CREB1: variants seen among roughly 807,000 people sequenced by gnomAD.
CREB1 encodes cyclic AMP-responsive element-binding protein 1.
A neutral mutation model predicts 42.0 loss-of-function variants in CREB1; 2 were observed. The ratio of observed to expected loss-of-function variants is 0.05; its 90% CI spans 0.02 to 0.15. CREB1 has a LOEUF of 0.15. Ranked by LOEUF, CREB1 falls within the 10% of genes least tolerant of loss-of-function variation. The pLI, the probability that CREB1 is intolerant of heterozygous loss-of-function variation, is 1.00. For synonymous variants in CREB1, 123 were observed against 139.9 expected, an observed-to-expected ratio of 0.88 and a Z score of 0.85; for missense variants, 199 against 388.9, an observed-to-expected ratio of 0.51 and a Z score of 4.11.
chr2:207,595,998 CT>C (rs1411479116), intron 7 of CREB1, among the ~76,000 whole-genome samples: 1 of 152,082 alleles, frequency 6.6e-6, no homozygotes, highest in Non-Finnish European at 1.5e-5. Context: ...TCCTATTTGT[CT>C]ATTTTTGCTT....
intron 3 of CREB1, among the ~76,000 whole-genome samples, chr2:207,567,017 G>A (rs561801043): frequency 3.3e-5 from 5 of 152,136 alleles, no homozygotes; most frequent in Non-Finnish European, 5.9e-5. Flanking sequence ...ATGATGGATC[G>A]CCAGTCTTAC....
At chr2:207,595,810 T>G (rs1011894047) in intron 7 of CREB1, among the ~76,000 whole-genome samples, 1 of 151,762 alleles carries the variant, frequency 6.6e-6, no homozygotes, top group African/African-American at 2.4e-5. Context: ...TTCAAGAGAT[T>G]CTCCCACCTC....
At chr2:207,570,399 A>G in intron 5 of CREB1, 78 bp downstream of exon 5, 1 of 1,378,512 alleles carries the variant, frequency 7.3e-7, no homozygotes, top group Non-Finnish European at 9.8e-7. Flanking sequence ...CATTCTCTTC[A>G]GAGAAACCAA....
At chr2:207,535,239 T>C (rs2080819804) in intron 1 of CREB1, among the ~76,000 whole-genome samples, 1 of 152,198 alleles carries the variant, frequency 6.6e-6, no homozygotes, top group Admixed American at 6.5e-5. Context: ...AGTAAAATGA[T>C]CAAAATGTAC....
chr2:207,561,606 G>A (rs998686126), intron 3 of CREB1, among the ~76,000 whole-genome samples: 1 of 151,656 alleles, frequency 6.6e-6, no homozygotes, highest in Non-Finnish European at 1.5e-5. Flanking sequence ...CCCATCCCCC[G>A]CACCCTTCCT....
Position 207,601,543 on chromosome 2 carries a change from T to C in CREB1, c.*4485T>C, listed in dbSNP as rs1449688539. The C allele has an allele frequency of 1.5e-5, 3 of 198,976 alleles. No homozygotes were observed. Among genetic ancestry groups the C allele is most frequent in the Non-Finnish European group, 3.1e-5 (3 of 96,394 alleles). 12.3% of individuals were successfully genotyped at this position (198,976 alleles called of 1,614,324 possible). A position where few individuals can be genotyped will look rare whatever the true frequency, so the allele number is the denominator to read the frequency against. ...AAGATTGAAGGGAAAATAACTCAAGTGCATAATATTTATTTTCAATTTTTA... is the reference window on the plus strand; with the variant it reads ...AAGATTGAAGGGAAAATAACTCAAGCGCATAATATTTATTTTCAATTTTTA... On this transcript the variant is annotated 3_prime_UTR_variant, in exon 8 of 8. Transcript: ENST00000353267.
chr2:207,545,153 A>G lies in CREB1; in HGVS notation c.-8-10475A>G, dbSNP rs185329141. ...AGGTATTGCCACACTGTCTTCCACA[A>G]TGGTTGAACTAACACCACCAACAAT... On this transcript the variant is annotated intron_variant, in intron 1 of 7. Coordinates refer to ENST00000353267, the MANE Select transcript of CREB1 (RefSeq NM_004379.5). Among the ~76,000 whole-genome samples, 81 of 152,278 alleles carry G rather than the reference A, an allele frequency of 5.3e-4. 1 individual carries two copies. Among genetic ancestry groups the G allele is most frequent in the Admixed American group, 4.4e-3 (67 of 15,302 alleles).
chr2:207,580,703 C>T (rs1438807033), intron 7 of CREB1: 2 of 222,172 alleles, frequency 9.0e-6, no homozygotes, highest in Non-Finnish European at 1.8e-5. Flanking sequence ...AAAGTGTAGA[C>T]AGCTCTTCTG....
At chr2:207,561,053 AGACTT>A in intron 3 of CREB1, 1 of 1,421,868 alleles carries the variant, frequency 7.0e-7, no homozygotes, top group Non-Finnish European at 9.9e-7. Context: ...TTGAAAAAAA[AGACTT>A]GAACGTTCAT....
Position 207,560,321 on chromosome 2 carries a change from T to C in CREB1, c.210T>C (p.Ile70=). Residue 70 remains isoleucine, a synonymous_variant, in exon 3 of 8, where the codon ATT becomes ATC. Coordinates refer to ENST00000353267, the MANE Select transcript of CREB1 (RefSeq NM_004379.5). ...NGQTVQVHGV[I]QAAQPSVIQS... ...AGACAGTTCAAGTCCATGGAGTCAT[T>C]CAGGCGGCCCAGCCATCAGTTATTC... is the stretch of plus-strand genomic sequence containing the variant. 6.2e-7 allele frequency: 1 copy of C among 1,614,040 alleles called. No homozygotes were observed.
chr2:207,559,941 T>C (rs1040694157), intron 2 of CREB1, among the ~76,000 whole-genome samples: 4 of 152,182 alleles, frequency 2.6e-5, no homozygotes, highest in African/African-American at 9.7e-5. Flanking sequence ...TAAAGTGATA[T>C]CTCATGTTCA....
At chr2:207,536,490 G>A (rs944348722) in intron 1 of CREB1, among the ~76,000 whole-genome samples, 4 of 152,194 alleles carry the variant, frequency 2.6e-5, no homozygotes, top group African/African-American at 9.6e-5. Context: ...GGAAGGCAGA[G>A]GTTGCAGTGA....
chr2:207,596,873 A>T (rs1007658117), intron 7 of CREB1, 41 bp from the exon 8 acceptor site: 1 of 1,580,072 alleles, frequency 6.3e-7, no homozygotes, highest in Non-Finnish European at 8.5e-7. Flanking sequence ...AAATATGTGG[A>T]AATCATTTGC....
chr2:207,541,121 G>A (rs1022752040), intron 1 of CREB1, among the ~76,000 whole-genome samples: 2 of 152,060 alleles, frequency 1.3e-5, no homozygotes, highest in African/African-American at 4.8e-5. Flanking sequence ...TCAGGAGGCT[G>A]AGGCAGGAGA....
In CREB1 at chr2:207,582,213, G is replaced by A; in HGVS notation, c.839+4558G>A. 1.1e-5 allele frequency: 8 copies of A among 702,286 alleles called. No individual in the cohort carries two copies. In the South Asian group the frequency reaches 1.2e-4, roughly 10 times the overall value. The allele number at this position is 702,286 out of a possible 1,614,324, so 43.5% of individuals were successfully genotyped here. A position where few individuals can be genotyped will look rare whatever the true frequency, so the allele number is the denominator to read the frequency against. On this transcript the variant is annotated intron_variant, in intron 7 of 7. Coordinates refer to ENST00000353267, the MANE Select transcript of CREB1 (RefSeq NM_004379.5). ...GTGGTCATATGTTAAAACCACCACA[G>A]TAATTAGGTGTATTTTAGAAGAAGT... is the stretch of plus-strand genomic sequence containing the variant.
intron 3 of CREB1, among the ~76,000 whole-genome samples, chr2:207,561,862 C>G (rs1258732857): frequency 6.6e-6 from 1 of 152,110 alleles, no homozygotes; most frequent in Non-Finnish European, 1.5e-5. Flanking sequence ...ATTGAGTCAT[C>G]GAACTTCTAT....
chr2:207,557,782 T>C (rs539877208), intron 2 of CREB1, among the ~76,000 whole-genome samples: 3 of 152,312 alleles, frequency 2.0e-5, no homozygotes, highest in Admixed American at 2.0e-4. Flanking sequence ...TTTATTTTAT[T>C]TTTTATATCT....
Position 207,604,886 on chromosome 2 carries a change from A to G in CREB1, c.*7828A>G, listed in dbSNP as rs2087826796. 6.6e-6 allele frequency among the ~76,000 whole-genome samples: 1 copy of G among 152,184 alleles called. No homozygotes were observed. Among genetic ancestry groups the G allele is most frequent in the Non-Finnish European group, 1.5e-5 (1 of 68,036 alleles). On this transcript the variant is annotated 3_prime_UTR_variant, in exon 8 of 8. Coordinates refer to ENST00000353267, the MANE Select transcript of CREB1 (RefSeq NM_004379.5). Reference sequence around the variant, plus strand: ...TGTGTTGTTGAGGTTGATCCATTGTAACATGTTATCACTACTTCATTCCTT... The same window carrying G: ...TGTGTTGTTGAGGTTGATCCATTGTGACATGTTATCACTACTTCATTCCTT...
intron 2 of CREB1, 45 bp from the exon 3 acceptor site, chr2:207,560,181 A>G (rs768453577): frequency 2.0e-6 from 3 of 1,493,392 alleles, no homozygotes; most frequent in Middle Eastern, 1.8e-4. Context: ...AGTACTGCCA[A>G]AGAGTGTCTG....
Sources: allele counts gnomAD v4.1 joint callset (sites outside exome capture counted in the v4.1 genomes callset), GRCh38; gene constraint gnomAD v4.1.1; transcripts MANE v1.5; gene names NCBI Gene and HGNC (gene_info 2026-07-23, HGNC 2026-07-21).